The following TES variants were observed in gnomAD, a reference collection of about 807,000 sequenced individuals.
TES encodes the protein testin.
In TES, 41 loss-of-function variants were observed where a neutral mutation model predicts 48.2. The ratio of observed to expected loss-of-function variants is 0.85; its 90% CI spans 0.66 to 1.10. The LOEUF (loss-of-function observed/expected upper bound fraction) is 1.10, where lower values mean the gene tolerates loss of function less well. TES is among the 50% of genes least tolerant of loss of function. The pLI is 0.00. For missense variants in TES, 463 were observed against 515.1 expected (o/e 0.90, Z 0.98); for synonymous variants, 162 against 174.9 (o/e 0.93, Z 0.58).
intron 4 of TES, among the ~76,000 whole-genome samples, chr7:116,251,229 G>C (rs1435590659): frequency 6.6e-6 from 1 of 152,184 alleles, no homozygotes; most frequent in Non-Finnish European, 1.5e-5. Flanking sequence ...GTTACACACA[G>C]GGTGAATGAA....
chr7:116,219,647 T>C (rs982426298), intron 1 of TES, among the ~76,000 whole-genome samples: 1 of 152,114 alleles, frequency 6.6e-6, no homozygotes, highest in African/African-American at 2.4e-5. Flanking sequence ...AGGAGAGAAG[T>C]CCAGTCTAGC....
At chr7:116,211,862 T>C (rs1584606174) in intron 1 of TES, among the ~76,000 whole-genome samples, 1 of 152,216 alleles carries the variant, frequency 6.6e-6, no homozygotes, top group African/African-American at 2.4e-5. Context: ...GTTAGGAAGC[T>C]ATTGACCAAT....
At chr7:116,222,051 C>A (rs1799563523) in intron 1 of TES, among the ~76,000 whole-genome samples, 1 of 152,072 alleles carries the variant, frequency 6.6e-6, no homozygotes, top group South Asian at 2.1e-4. Context: ...TTGATTTATG[C>A]AGCACAACAT....
At chr7:116,256,053 A>G (rs1006481168) in intron 6 of TES, among the ~76,000 whole-genome samples, 1 of 147,254 alleles carries the variant, frequency 6.8e-6, no homozygotes, top group African/African-American at 2.5e-5. Flanking sequence ...TTTTTATAGT[A>G]TTCAGGAATA....
Position 116,249,281 on chromosome 7 carries a change from T to TA in TES, c.366+10dup. Reference sequence around the variant, plus strand: ...TCCAGAATCAAGCATTGGTAAATGATATGGAACAGAGAGTTTCTTTATTGA... The same window carrying TA: ...TCCAGAATCAAGCATTGGTAAATGATAATGGAACAGAGAGTTTCTTTATTGA... On this transcript the variant is annotated intron_variant, in intron 3 of 6. Transcript: ENST00000358204. 1 of 1,613,832 alleles carries TA rather than the reference T, an allele frequency of 6.2e-7. No homozygotes were observed.
In TES at chr7:116,257,405, T is replaced by C. The variant is rs376244732; in HGVS notation, c.1189T>C (p.Cys397Arg). The C allele has an allele frequency of 3.1e-6, 5 of 1,613,984 alleles. No homozygotes were observed. In the African/African-American group the frequency reaches 5.3e-5, roughly 17 times the overall value. ...ECFLCSCCSK[C>R]LIGQKFMPVE... is the part of the protein sequence containing the mutation. Reference sequence around the variant, plus strand: ...CTTTCTGTGCTCTTGCTGCAGCAAATGCCTCATTGGGCAGAAGTTCATGCC... The same window carrying C: ...CTTTCTGTGCTCTTGCTGCAGCAAACGCCTCATTGGGCAGAAGTTCATGCC... The change falls in exon 7 of 7, where the codon TGC becomes CGC. Residue 397 changes from cysteine to arginine, a missense_variant. By Grantham distance (180) the Cys-to-Arg change is radical (BLOSUM62 -3). Transcript: ENST00000358204.
At chr7:116,241,394 C>T (rs1431207913) in intron 2 of TES, among the ~76,000 whole-genome samples, 1 of 152,166 alleles carries the variant, frequency 6.6e-6, no homozygotes, top group Non-Finnish European at 1.5e-5. Flanking sequence ...AGTATGTTTT[C>T]TTGCAGAGTA....
intron 1 of TES, among the ~76,000 whole-genome samples, chr7:116,233,418 G>C (rs1584617665): frequency 1.3e-5 from 2 of 152,276 alleles, no homozygotes; most frequent in East Asian, 3.9e-4. Flanking sequence ...TAGCAAGGGT[G>C]ATAATACAGC....
intron 2 of TES, among the ~76,000 whole-genome samples, chr7:116,245,100 G>T (rs766940334): frequency 6.6e-6 from 1 of 152,156 alleles, no homozygotes; most frequent in Non-Finnish European, 1.5e-5. Context: ...TCTCTGACAT[G>T]CCCTGGAGAC....
chr7:116,235,795 T>G (rs751419547), intron 2 of TES, among the ~76,000 whole-genome samples: 3 of 151,510 alleles, frequency 2.0e-5, no homozygotes, highest in Non-Finnish European at 2.9e-5. Flanking sequence ...TTTAGAATAC[T>G]TTCATCAGCT....
chr7:116,251,733 G>C (rs895516764), intron 4 of TES, 27 bp from the exon 5 acceptor site: 1 of 1,594,310 alleles, frequency 6.3e-7, no homozygotes, highest in Non-Finnish European at 8.6e-7. Context: ...CTAATGACTA[G>C]GTTGTTCTGG....
intron 1 of TES, among the ~76,000 whole-genome samples, chr7:116,216,030 T>C (rs879768307): frequency 1.3e-5 from 2 of 152,152 alleles, no homozygotes; most frequent in African/African-American, 2.4e-5. Context: ...GAGGCTCTCA[T>C]GGAGCTCCAG....
rs1243709796 is a variant in TES, at chr7:116,257,488, G to T, written c.*6G>T. The T allele has an allele frequency of 6.3e-7, 1 of 1,597,194 alleles. No homozygotes were observed. The highest frequency in any genetic ancestry group is 1.3e-5 in the African/African-American group (1 of 74,608). ...GTAAGAAGAGGATGTCTTAGGAGGA[G>T]GGCACCCAGAAGTATCGAGCCATAG... is the stretch of plus-strand genomic sequence containing the variant. On this transcript the variant is annotated 3_prime_UTR_variant, in exon 7 of 7. Transcript: ENST00000358204.
intron 2 of TES, among the ~76,000 whole-genome samples, chr7:116,246,481 T>C (rs144980114): frequency 1.1e-4 from 17 of 152,368 alleles, no homozygotes; most frequent in Admixed American, 2.0e-4. Flanking sequence ...ATTGCTCTTA[T>C]GATGAAGCCC....
intron 1 of TES, among the ~76,000 whole-genome samples, chr7:116,213,762 C>T (rs1311927583): frequency 1.3e-5 from 2 of 151,780 alleles, no homozygotes; most frequent in African/African-American, 4.9e-5. Context: ...GATTCTATGT[C>T]CTTGCCCTGT....
intron 1 of TES, among the ~76,000 whole-genome samples, chr7:116,212,964 A>G (rs1799455862): frequency 1.3e-5 from 2 of 152,224 alleles, no homozygotes; most frequent in Non-Finnish European, 2.9e-5. Context: ...GATTCTTAGA[A>G]TCCTCAACTG....
At chr7:116,238,808 C>T (rs1799807898) in intron 2 of TES, among the ~76,000 whole-genome samples, 1 of 152,010 alleles carries the variant, frequency 6.6e-6, no homozygotes, top group South Asian at 2.1e-4. Context: ...ACCATGTTGG[C>T]CAGGCTGGTC....
At chr7:116,223,858 G>C (rs1799587366) in intron 1 of TES, among the ~76,000 whole-genome samples, 1 of 152,090 alleles carries the variant, frequency 6.6e-6, no homozygotes, top group African/African-American at 2.4e-5. Context: ...TTAGTCTTTG[G>C]ATTTAAAATC....
intron 1 of TES, among the ~76,000 whole-genome samples, chr7:116,232,157 A>G (rs931337578): frequency 6.6e-6 from 1 of 152,218 alleles, no homozygotes; most frequent in Non-Finnish European, 1.5e-5. Context: ...GCAGTCTTTT[A>G]TAAGCCCAGT....
Sources: gnomAD v4.1 joint callset for allele counts (sites outside exome capture counted in the v4.1 genomes callset) on GRCh38, gnomAD v4.1.1 for gene constraint, MANE v1.5 for transcripts, NCBI Gene and HGNC (gene_info 2026-07-23, HGNC 2026-07-21) for gene names.